MBNL3: variants seen among roughly 807,000 people sequenced by gnomAD.
MBNL3 encodes muscleblind like splicing regulator 3, also known as muscleblind-like protein 3.
MBNL3 carries 6 observed loss-of-function variants against 24.5 expected under a neutral mutation model. The observed-to-expected ratio is 0.25, with a 90% CI of 0.13 to 0.48. The LOEUF (loss-of-function observed/expected upper bound fraction) is 0.48. MBNL3 is among the 20% of genes least tolerant of loss of function. The pLI is 0.99. For synonymous variants in MBNL3, 100 were observed against 101.7 expected (o/e 0.98, Z 0.10); for missense variants, 230 against 293.5 (o/e 0.78, Z 1.58).
chrX:132,384,819 G>T, intron 6 of MBNL3, 121 bp from the exon 7 acceptor site: 1 of 521,689 alleles, frequency 1.9e-6, no homozygotes, highest in Non-Finnish European at 2.8e-6. Flanking sequence ...CTCAGCACAT[G>T]CAAGTCCAAC....
chrX:132,446,260 G>T (rs917720826), intron 1 of MBNL3, among the ~76,000 whole-genome samples: 4 of 111,881 alleles, frequency 3.6e-5, no homozygotes, highest in African/African-American at 1.3e-4. Flanking sequence ...AAACATACAT[G>T]TGCATGTGTC....
chrX:132,429,494 G>A (rs1361521272), intron 2 of MBNL3, among the ~76,000 whole-genome samples: 4 of 111,849 alleles, frequency 3.6e-5, no homozygotes, highest in African/African-American at 1.3e-4. Context: ...AGGTAACTTT[G>A]TCTAAAAATT....
At chrX:132,459,749 C>T (rs924592754) in intron 1 of MBNL3, among the ~76,000 whole-genome samples, 2 of 111,720 alleles carry the variant, frequency 1.8e-5, no homozygotes, top group African/African-American at 6.5e-5. Context: ...TTTAGAATCA[C>T]AAAGACCTGA....
intron 3 of MBNL3, among the ~76,000 whole-genome samples, chrX:132,398,953 T>C (rs1458976005): frequency 1.8e-5 from 2 of 111,457 alleles, no homozygotes; most frequent in Non-Finnish European, 3.8e-5. Flanking sequence ...CCAGAAAATA[T>C]TCATCCAACA....
intron 3 of MBNL3, among the ~76,000 whole-genome samples, chrX:132,403,753 T>C (rs1423784447): frequency 1.8e-5 from 2 of 111,320 alleles, no homozygotes; most frequent in Non-Finnish European, 3.8e-5. Context: ...GTACCCCTAC[T>C]TTACCCCACT....
chrX:132,426,842 C>A (rs1326328883), intron 2 of MBNL3, among the ~76,000 whole-genome samples: 1 of 112,150 alleles, frequency 8.9e-6, no homozygotes, highest in Non-Finnish European at 1.9e-5. Context: ...ATTACTGAGC[C>A]CAGTGCCTAA....
At chrX:132,388,940 A>G (rs1321283605) in intron 5 of MBNL3, among the ~76,000 whole-genome samples, 1 of 107,382 alleles carries the variant, frequency 9.3e-6, no homozygotes, top group African/African-American at 3.3e-5. Context: ...TCTCACTGCT[A>G]AGACCCTGCT....
chrX:132,420,350 G>A (rs1309118291), intron 2 of MBNL3, among the ~76,000 whole-genome samples: 2 of 111,180 alleles, frequency 1.8e-5, no homozygotes, highest in African/African-American at 6.6e-5. Flanking sequence ...CTGCGACGGC[G>A]GCAAACAGCA....
At chrX:132,387,023 A>G (rs1020230055) in intron 5 of MBNL3, among the ~76,000 whole-genome samples, 5 of 110,986 alleles carry the variant, frequency 4.5e-5, no homozygotes, top group African/African-American at 1.6e-4. Flanking sequence ...CTGTAATCCC[A>G]GCACTTTGGG....
At chrX:132,434,946 G>T (rs1945033954) in intron 2 of MBNL3, among the ~76,000 whole-genome samples, 1 of 111,872 alleles carries the variant, frequency 8.9e-6, no homozygotes, top group South Asian at 3.8e-4. Flanking sequence ...GCAATGCATG[G>T]CATGTAAGTT....
chrX:132,473,867 G>T (rs1367333448), intron 1 of MBNL3, among the ~76,000 whole-genome samples: 1 of 111,247 alleles, frequency 9.0e-6, no homozygotes, highest in Non-Finnish European at 1.9e-5. Context: ...CAATGTATTT[G>T]CATTGAAAAT....
chrX:132,488,355 CTTATTGTG>C (rs1948117417), intron 1 of MBNL3, among the ~76,000 whole-genome samples: 1 of 110,970 alleles, frequency 9.0e-6, no homozygotes, highest in Admixed American at 9.5e-5. Flanking sequence ...ACCATAAAAG[CTTATTGTG>C]TGAGTGTTAA....
At chrX:132,403,223 C>A (rs1401207091) in intron 3 of MBNL3, among the ~76,000 whole-genome samples, 1 of 111,921 alleles carries the variant, frequency 8.9e-6, no homozygotes, top group Non-Finnish European at 1.9e-5. Flanking sequence ...ATTGCTCACA[C>A]TAGCTCAATT....
chrX:132,424,976 G>A (rs919349211), intron 2 of MBNL3, among the ~76,000 whole-genome samples: 1 of 111,550 alleles, frequency 9.0e-6, no homozygotes, highest in Admixed American at 9.5e-5. Context: ...GGGAAAAAGG[G>A]GGAGACAGTC....
At chrX:132,419,523 A>C (rs746583198) in intron 2 of MBNL3, among the ~76,000 whole-genome samples, 5 of 112,316 alleles carry the variant, frequency 4.5e-5, no homozygotes, top group African/African-American at 1.3e-4. Flanking sequence ...AATGGTACAA[A>C]GTGTTCTTCT....
chrX:132,473,891 C>T (rs1405451428), intron 1 of MBNL3, among the ~76,000 whole-genome samples: 2 of 111,269 alleles, frequency 1.8e-5, no homozygotes, highest in Admixed American at 9.6e-5. Context: ...CATCGTTTTC[C>T]GCTTCAGAGT....
intron 2 of MBNL3, among the ~76,000 whole-genome samples, chrX:132,422,015 CTG>C (rs1276609520): frequency 3.6e-5 from 4 of 110,729 alleles, no homozygotes; most frequent in Non-Finnish European, 7.6e-5. Context: ...CATTAGAAAA[CTG>C]TTTATAAATG....
chrX:132,444,694 A>G (rs972342202), intron 1 of MBNL3, among the ~76,000 whole-genome samples: 1 of 111,627 alleles, frequency 9.0e-6, no homozygotes, highest in Non-Finnish European at 1.9e-5. Context: ...ATGCTCATCT[A>G]TAAGAGTCCT....
chrX:132,395,995 G>A, intron 3 of MBNL3, among the ~76,000 whole-genome samples: 1 of 110,237 alleles, frequency 9.1e-6, no homozygotes, highest in Non-Finnish European at 1.9e-5. Flanking sequence ...AGCAATCTAA[G>A]AATGTTTTTT....
Sources: allele counts gnomAD v4.1 joint callset (sites outside exome capture counted in the v4.1 genomes callset), GRCh38; gene constraint gnomAD v4.1.1; transcripts MANE v1.5; gene names NCBI Gene and HGNC (gene_info 2026-07-23, HGNC 2026-07-21).